PLOD2: variants seen among roughly 807,000 people sequenced by gnomAD.
PLOD2 encodes procollagen-lysine,2-oxoglutarate 5-dioxygenase 2, also known as lysine hydroxylase 2.
PLOD2 carries 65 observed loss-of-function variants against 101.0 expected under a neutral mutation model. The observed-to-expected ratio is 0.64, with a 90% confidence interval of 0.53 to 0.79. The LOEUF (loss-of-function observed/expected upper bound fraction) is 0.79, where lower values mean the gene tolerates loss of function less well. Ranked by LOEUF, PLOD2 falls within the 30% of genes least tolerant of loss-of-function variation. The probability of loss-of-function intolerance (pLI) is 0.00; values close to 1 mark genes in which losing one functional copy is unlikely to be tolerated. For missense variants in PLOD2, 909 were observed against 914.6 expected, an observed-to-expected ratio of 0.99 and a Z score of 0.08; for synonymous variants, 314 against 302.9, an observed-to-expected ratio of 1.04 and a Z score of -0.38.
chr3:146,142,897 G>A (rs146335639), intron 1 of PLOD2, among the ~76,000 whole-genome samples: 12 of 152,216 alleles, frequency 7.9e-5, no homozygotes, highest in African/African-American at 2.9e-4. Flanking sequence ...CTCTGCAGCA[G>A]CACTGATCTT....
chr3:146,124,369 G>A (rs1236303539), intron 1 of PLOD2, 140 bp from the exon 2 acceptor site: 1 of 566,484 alleles, frequency 1.8e-6, no homozygotes, highest in African/African-American at 1.9e-5. Context: ...TAAACAAAGA[G>A]CTGTCGAAAA....
rs1012088929 is a variant in PLOD2 at position 146,144,817 on chromosome 3, T to C, written c.109+16064A>G. On this transcript the variant is annotated intron_variant, in intron 1 of 19. Transcript: ENST00000282903. ...TGTTTATCAATATGTATGTATATCTTGATTTTATAAAGAAAATACATGAAG... is the reference window on the plus strand; with the variant it reads ...TGTTTATCAATATGTATGTATATCTCGATTTTATAAAGAAAATACATGAAG... Among the ~76,000 whole-genome samples the C allele has an allele frequency of 1.1e-4, 16 of 148,180 alleles. No homozygotes were observed. In the Admixed American group the frequency reaches 1.1e-3, roughly 10 times the overall value.
intron 1 of PLOD2, among the ~76,000 whole-genome samples, chr3:146,149,577 T>C (rs60811409): frequency 4.6e-5 from 7 of 151,692 alleles, no homozygotes; most frequent in Middle Eastern, 6.8e-3. Flanking sequence ...TAATACTTCA[T>C]TTTTTAAAAA....
At chr3:146,072,472 G>A in intron 17 of PLOD2, 89 bp downstream of exon 17, 1 of 847,412 alleles carries the variant, frequency 1.2e-6, no homozygotes, top group South Asian at 1.4e-5. Context: ...AGAGACATAT[G>A]AGAAAAAGTA....
intron 1 of PLOD2, among the ~76,000 whole-genome samples, chr3:146,144,591 T>C (rs2031685984): frequency 6.6e-6 from 1 of 152,100 alleles, no homozygotes; most frequent in Non-Finnish European, 1.5e-5. Context: ...ATAATACCCT[T>C]ACAATATTAT....
chr3:146,106,313 A>G (rs1027719116), intron 5 of PLOD2, among the ~76,000 whole-genome samples: 2 of 152,222 alleles, frequency 1.3e-5, no homozygotes, highest in Admixed American at 6.5e-5. Flanking sequence ...ACTTGGCCAC[A>G]AAAGAGAAGC....
chr3:146,125,086 A>AT (rs74421932), intron 1 of PLOD2, among the ~76,000 whole-genome samples: 77,865 of 151,130 alleles, frequency 0.52, 20,079 homozygotes, highest in Middle Eastern at 0.57. Flanking sequence ...GGGCTGGAAC[A>AT]TTTTTTTTTA....
rs774068617 is a variant in PLOD2, at chr3:146,160,976, G to T, written c.14C>A (p.Thr5Lys). Reference sequence around the variant, plus strand: ...CAGGAGCAGCAGCTGAGGCTTCACCGTGCATCCCCCCATATTCGGCCCTCG... The same window carrying T: ...CAGGAGCAGCAGCTGAGGCTTCACCTTGCATCCCCCCATATTCGGCCCTCG... MGGC[T>K]VKPQLLLLAL... The change falls in exon 1 of 20, where the codon ACG becomes AAG. Residue 5 changes from threonine (T) to lysine (K), a missense_variant. By Grantham distance (78) the Thr-to-Lys change is moderately conservative. Coordinates refer to ENST00000282903, the MANE Select transcript of PLOD2 (RefSeq NM_182943.3). 3 of 1,586,648 alleles carry T rather than the reference G, an allele frequency of 1.9e-6. No homozygotes were observed. The highest frequency in any genetic ancestry group is 2.3e-5 in the East Asian group (1 of 43,570).
At chr3:146,119,686 T>C (rs534370686) in intron 3 of PLOD2, among the ~76,000 whole-genome samples, 10 of 151,892 alleles carry the variant, frequency 6.6e-5, no homozygotes, top group South Asian at 2.1e-4. Context: ...AGTGAGAATA[T>C]GCGGTGTTTG....
intron 10 of PLOD2, 33 bp downstream of exon 10, chr3:146,086,754 A>G: frequency 7.6e-7 from 1 of 1,308,124 alleles, no homozygotes; most frequent in South Asian, 1.6e-5. Flanking sequence ...TTAGTAAAAT[A>G]ATTTAATTTA....
chr3:146,148,954 C>A (rs2031926962), intron 1 of PLOD2, among the ~76,000 whole-genome samples: 1 of 152,168 alleles, frequency 6.6e-6, no homozygotes, highest in Non-Finnish European at 1.5e-5. Context: ...TGAAATGCTA[C>A]AACCACAATA....
At chr3:146,076,926 TAG>T (rs1559834165) in intron 14 of PLOD2, 31 bp from the exon 15 acceptor site, 1 of 1,427,746 alleles carries the variant, frequency 7.0e-7, no homozygotes, top group Non-Finnish European at 9.8e-7. Context: ...GTATTAATCT[TAG>T]AGGTAGGTAC....
chr3:146,089,468 A>C (rs1308853157), intron 8 of PLOD2, among the ~76,000 whole-genome samples: 1 of 151,622 alleles, frequency 6.6e-6, no homozygotes, highest in Non-Finnish European at 1.5e-5. Context: ...ACACCCATGT[A>C]ACAGTGTCAT....
At chr3:146,140,336 G>A (rs1042781616) in intron 1 of PLOD2, among the ~76,000 whole-genome samples, 1 of 151,958 alleles carries the variant, frequency 6.6e-6, no homozygotes, top group African/African-American at 2.4e-5. Context: ...ATTTCTGAAA[G>A]GATTCATGAC....
intron 1 of PLOD2, among the ~76,000 whole-genome samples, chr3:146,150,690 G>A (rs1236341438): frequency 1.3e-5 from 2 of 151,888 alleles, no homozygotes; most frequent in Admixed American, 1.3e-4. Flanking sequence ...GAGTTCACCT[G>A]TGTAACAAAC....
At chr3:146,157,816 G>C (rs1022954282) in intron 1 of PLOD2, among the ~76,000 whole-genome samples, 4 of 152,190 alleles carry the variant, frequency 2.6e-5, no homozygotes, top group Non-Finnish European at 5.9e-5. Flanking sequence ...AAAGTACAGA[G>C]GACAAGACCC....
At position 146,072,547 on chromosome 3, in the gene PLOD2, AAATTACAACTTACATG is replaced by A. The variant is rs757110832; in HGVS notation, c.1846_1848+13del. ...CACATACATTTTAGTTCTTAGTGTG[AAATTACAACTTACATG>A]ATGTTTTCCCCCAGACCATTTGCCG... On this transcript the variant is annotated splice_donor_variant and splice_donor_5th_base_variant and coding_sequence_variant and intron_variant, in exon 17 of 20. Coordinates refer to ENST00000282903, the MANE Select transcript of PLOD2 (RefSeq NM_182943.3). LOFTEE classifies it high-confidence loss of function. 1.3e-6 allele frequency: 2 copies of A among 1,518,666 alleles called. No individual in the cohort carries two copies. Among genetic ancestry groups the A allele is most frequent in the Non-Finnish European group, 1.8e-6 (2 of 1,093,922 alleles). 94.1% of individuals were successfully genotyped at this position (1,518,666 alleles called of 1,614,324 possible). A position where few individuals can be genotyped will look rare whatever the true frequency, so the allele number is the denominator to read the frequency against.
At chr3:146,153,155 C>T (rs2032143292) in intron 1 of PLOD2, among the ~76,000 whole-genome samples, 1 of 152,176 alleles carries the variant, frequency 6.6e-6, no homozygotes, top group Admixed American at 6.5e-5. Flanking sequence ...AAAATCCCAT[C>T]AAAGAACCCA....
At chr3:146,128,832 T>G (rs960612926) in intron 1 of PLOD2, among the ~76,000 whole-genome samples, 2 of 150,222 alleles carry the variant, frequency 1.3e-5, no homozygotes, top group Non-Finnish European at 3.0e-5. Context: ...TTTGCTAATA[T>G]ATCCTGTCAC....
Sources: gnomAD v4.1 joint callset for allele counts (sites outside exome capture counted in the v4.1 genomes callset) on GRCh38, gnomAD v4.1.1 for gene constraint, MANE v1.5 for transcripts, NCBI Gene and HGNC (gene_info 2026-07-23, HGNC 2026-07-21) for gene names.